ABR: variants seen among roughly 807,000 people sequenced by gnomAD.
ABR encodes active breakpoint cluster region-related protein.
A neutral mutation model predicts 107.2 loss-of-function variants in ABR; 35 were observed. The ratio of observed to expected loss-of-function variants is 0.33; its 90% CI spans 0.25 to 0.43. The LOEUF (loss-of-function observed/expected upper bound fraction) is 0.43, where lower values mean the gene tolerates loss of function less well. Ranked by LOEUF, ABR falls within the 20% of genes least tolerant of loss-of-function variation. The probability of loss-of-function intolerance (pLI) is 1.00; values close to 1 mark genes in which losing one functional copy is unlikely to be tolerated. For missense variants in ABR, 815 were observed against 1,115.2 expected (o/e 0.73, Z 3.83); for synonymous variants, 498 against 462.0 (o/e 1.08, Z -1.00).
At chr17:1,081,903 C>T (rs1360446808) in intron 5 of ABR, among the ~76,000 whole-genome samples, 1 of 152,104 alleles carries the variant, frequency 6.6e-6, no homozygotes, top group Admixed American at 6.6e-5. Context: ...ATTCCAGAGG[C>T]GAAGTGTCAG....
chr17:1,012,176 A>C, intron 18 of ABR, 191 bp from the exon 19 acceptor site: 4 of 891,354 alleles, frequency 4.5e-6, no homozygotes, highest in Non-Finnish European at 7.2e-6. Context: ...GGCCTGCCGA[A>C]GGGGCATCGA....
chr17:1,117,972 T>A (rs1250763439), intron 2 of ABR, among the ~76,000 whole-genome samples: 12 of 87,748 alleles, frequency 1.4e-4, no homozygotes, highest in Non-Finnish European at 1.9e-4. Context: ...CCCAGCGTTA[T>A]CCCTGAGCCT....
At chr17:1,214,167 G>A (rs2042955853) in intron 1 of ABR, among the ~76,000 whole-genome samples, 1 of 152,130 alleles carries the variant, frequency 6.6e-6, no homozygotes, top group African/African-American at 2.4e-5. Flanking sequence ...TTACAGGCAT[G>A]AGCCACCGCT....
intron 16 of ABR, among the ~76,000 whole-genome samples, chr17:1,017,712 C>T (rs57168578): frequency 0.076 from 11,536 of 151,900 alleles, 561 homozygotes; most frequent in Middle Eastern, 0.16. Context: ...AAATGACCCA[C>T]CCACCTTGGC....
At chr17:1,201,008 G>A (rs2042661261) in intron 1 of ABR, among the ~76,000 whole-genome samples, 1 of 152,186 alleles carries the variant, frequency 6.6e-6, no homozygotes, top group African/African-American at 2.4e-5. Context: ...TGGAAACTAA[G>A]GAGGATGGGG....
intron 5 of ABR, 66 bp downstream of exon 5, chr17:1,083,454 C>CTT: frequency 8.3e-7 from 1 of 1,211,454 alleles, no homozygotes; most frequent in Non-Finnish European, 1.2e-6. Context: ...GGAGGGGAGA[C>CTT]CAAGGGCTCT....
At chr17:1,072,580 C>T (rs571552010) in intron 8 of ABR, 34 bp downstream of exon 8, 2 of 1,578,168 alleles carry the variant, frequency 1.3e-6, no homozygotes, top group Admixed American at 3.8e-5. Context: ...ACTTCTCAGC[C>T]TGGGTGAGGG....
chr17:1,087,040 C>A (rs963695318), intron 4 of ABR, among the ~76,000 whole-genome samples: 2 of 152,082 alleles, frequency 1.3e-5, no homozygotes, highest in African/African-American at 2.4e-5. Context: ...CCAGTAGCTG[C>A]TTCAAGAGGG....
chr17:1,168,497 C>G (rs2041596341), intron 1 of ABR, among the ~76,000 whole-genome samples: 1 of 152,146 alleles, frequency 6.6e-6, no homozygotes, highest in Non-Finnish European at 1.5e-5. Context: ...AGAGGCCTTA[C>G]TGGCTAGAGA....
chr17:1,113,057 T>G (rs960793360), intron 2 of ABR, among the ~76,000 whole-genome samples: 3 of 134,056 alleles, frequency 2.2e-5, no homozygotes, highest in Non-Finnish European at 4.5e-5. Context: ...CCGCCTGCTG[T>G]GCACCAGGCA....
chr17:1,149,233 TA>T (rs1303983612), intron 1 of ABR, among the ~76,000 whole-genome samples: 1 of 151,608 alleles, frequency 6.6e-6, no homozygotes, highest in African/African-American at 2.4e-5. Context: ...AAAAATAGAA[TA>T]AAATCTAAAT....
At chr17:1,126,083 A>AC (rs1327711521) in intron 1 of ABR, among the ~76,000 whole-genome samples, 1 of 149,166 alleles carries the variant, frequency 6.7e-6, no homozygotes, top group Non-Finnish European at 1.5e-5. Context: ...AGCCGCATTA[A>AC]CCCCCCAGGG....
intron 16 of ABR, among the ~76,000 whole-genome samples, chr17:1,021,220 G>A (rs2071598253): frequency 6.6e-6 from 1 of 152,228 alleles, no homozygotes; most frequent in African/African-American, 2.4e-5. Flanking sequence ...ACGTGATCCA[G>A]GGGCTCACTG....
chr17:1,112,287 G>T (rs1362243940), intron 2 of ABR, among the ~76,000 whole-genome samples: 1 of 152,228 alleles, frequency 6.6e-6, no homozygotes, highest in Non-Finnish European at 1.5e-5. Context: ...ACGAGGCAGT[G>T]TTCTCGTTTA....
In ABR at chr17:1,013,283, T is replaced by G. The variant is rs557365940; in HGVS notation, c.1792-119A>C. Reference sequence around the variant, plus strand: ...AGTCAGGAAGGCGGAAGTGAGCAGCTGGGATAAGCTGATGTTTACCTGGAA... The same window carrying G: ...AGTCAGGAAGGCGGAAGTGAGCAGCGGGGATAAGCTGATGTTTACCTGGAA... On this transcript the variant is annotated intron_variant, in intron 16 of 22. Coordinates refer to ENST00000302538, the MANE Select transcript of ABR (RefSeq NM_021962.5). The G allele has an allele frequency of 4.1e-6, 4 of 984,036 alleles. No homozygotes were observed. In the East Asian group the frequency reaches 9.7e-5, roughly 24 times the overall value. 61.0% of individuals were successfully genotyped at this position (984,036 alleles called of 1,614,324 possible).
chr17:1,055,256 CTA>C (rs2033129928), intron 14 of ABR: 1 of 152,104 alleles, frequency 6.6e-6, no homozygotes, highest in African/African-American at 2.4e-5. Flanking sequence ...TTGTGAGACA[CTA>C]AAAACAGATT....
chr17:1,016,504 T>C lies in ABR; in HGVS notation c.1792-3340A>G, dbSNP rs183632474. Among the ~76,000 whole-genome samples, 220 of 152,012 alleles carry C rather than the reference T, an allele frequency of 1.4e-3. 2 individuals are homozygous for C. The highest frequency in any genetic ancestry group is 2.4e-3 in the Non-Finnish European group (163 of 67,992). On this transcript the variant is annotated intron_variant, in intron 16 of 22. Coordinates refer to ENST00000302538, the MANE Select transcript of ABR (RefSeq NM_021962.5). The stretch of plus-strand genomic sequence containing the variant: ...GCTAATTTTTTATTTGTAGTGGAGA[T>C]GGGGTTTCACCATGTTGGCCAGGCT...
At chr17:1,170,084 C>T (rs986465396) in intron 1 of ABR, among the ~76,000 whole-genome samples, 1 of 151,980 alleles carries the variant, frequency 6.6e-6, no homozygotes, top group Admixed American at 6.6e-5. Context: ...AATGCAGGCA[C>T]GTGGGCTCCA....
At position 1,050,556 on chromosome 17, in the gene ABR, G is replaced by A. The variant is rs545589156; in HGVS notation, c.1640C>T (p.Ala547Val). The change falls in exon 15 of 23, where the codon GCG becomes GTG. Residue 547 changes from alanine (A) to valine (V), a missense_variant. Transcript: ENST00000302538. This position sits in a 1 kb window ranked among gnomAD's most constrained non-coding sequence, Gnocchi z 4.6. ...ACTCACCTCATCCCACTTGGGCTCC[G>A]CTGTGTCCCGGAACACCCTGGTTTT... Reference protein sequence around the residue: ...KAKTRVFRDTAEPKWDEEFEI... With the variant: ...KAKTRVFRDTVEPKWDEEFEI... 7.4e-6 allele frequency: 12 copies of A among 1,613,906 alleles called. No homozygotes were observed. Among genetic ancestry groups the A allele is most frequent in the South Asian group, 2.2e-5 (2 of 91,072 alleles).
Sources: gnomAD v4.1 joint callset for allele counts (sites outside exome capture counted in the v4.1 genomes callset) on GRCh38, gnomAD v4.1.1 for gene constraint, Gnocchi (gnomAD v3.1) non-coding constraint, MANE v1.5 for transcripts, NCBI Gene and HGNC (gene_info 2026-07-23, HGNC 2026-07-21) for gene names.